ARK2C: variants seen among roughly 807,000 people sequenced by gnomAD.
ARK2C encodes the protein E3 ubiquitin-protein ligase ARK2C.
At chr18:46,396,864 G>A in the ARK2C span, among the ~76,000 whole-genome samples, 4 of 152,202 alleles carry the variant, frequency 2.6e-5, no homozygotes, top group South Asian at 2.1e-4. Flanking sequence ...TTGGCATGAC[G>A]TGGGTTGGGT....
the ARK2C span, among the ~76,000 whole-genome samples, chr18:46,435,067 G>A: frequency 4.6e-5 from 7 of 152,180 alleles, no homozygotes; most frequent in African/African-American, 1.7e-4. Flanking sequence ...GGGCAGCCCG[G>A]AGACAGCCAG....
chr18:46,429,768 CTTTT>C, the ARK2C span, among the ~76,000 whole-genome samples: 50 of 151,526 alleles, frequency 3.3e-4, no homozygotes, highest in African/African-American at 1.1e-3. Context: ...TTAAAATACT[CTTTT>C]TTTTTCCTTT....
At chr18:46,348,894 C>T in the ARK2C span, among the ~76,000 whole-genome samples, 4 of 138,086 alleles carry the variant, frequency 2.9e-5, no homozygotes, top group Admixed American at 8.0e-5. Flanking sequence ...CTCTCTCTCT[C>T]TCTTTCTGTG....
chr18:46,365,988 G>A, the ARK2C span, among the ~76,000 whole-genome samples: 51 of 152,006 alleles, frequency 3.4e-4, no homozygotes, highest in Admixed American at 8.5e-4. Context: ...TGCAAAGTGG[G>A]GTCTAATTAA....
At chr18:46,431,345 T>C in the ARK2C span, among the ~76,000 whole-genome samples, 2 of 152,216 alleles carry the variant, frequency 1.3e-5, no homozygotes, top group Admixed American at 6.5e-5. Context: ...CTGTCTAGAA[T>C]GTCTGTGTGC....
At chr18:46,374,262 T>C in the ARK2C span, among the ~76,000 whole-genome samples, 1 of 152,198 alleles carries the variant, frequency 6.6e-6, no homozygotes, top group Non-Finnish European at 1.5e-5. Flanking sequence ...TGGGGAAATA[T>C]ACATATTGTA....
At chr18:46,437,036 T>C in the ARK2C span, among the ~76,000 whole-genome samples, 1 of 152,200 alleles carries the variant, frequency 6.6e-6, no homozygotes, top group Non-Finnish European at 1.5e-5. Flanking sequence ...GCTTTCTTTA[T>C]AGAGCCAAAC....
the ARK2C span, among the ~76,000 whole-genome samples, chr18:46,412,580 C>T: frequency 6.6e-6 from 1 of 152,176 alleles, no homozygotes; most frequent in South Asian, 2.1e-4. Context: ...GATGAGGCTG[C>T]CTGGTTGGTC....
the ARK2C span, among the ~76,000 whole-genome samples, chr18:46,392,093 A>G: frequency 6.6e-6 from 1 of 151,836 alleles, no homozygotes; most frequent in African/African-American, 2.4e-5. Context: ...ACATACACAC[A>G]CACCACGCAT....
At chr18:46,366,956 G>T in the ARK2C span, among the ~76,000 whole-genome samples, 1 of 152,144 alleles carries the variant, frequency 6.6e-6, no homozygotes, top group South Asian at 2.1e-4. Flanking sequence ...CTGGCTTAGG[G>T]CCCAGTCATC....
At chr18:46,377,974 G>A in the ARK2C span, among the ~76,000 whole-genome samples, 6 of 152,086 alleles carry the variant, frequency 3.9e-5, no homozygotes, top group East Asian at 1.9e-4. Context: ...CACAACAGAG[G>A]TGGTGCAGGA....
At chr18:46,352,722 C>A in the ARK2C span, among the ~76,000 whole-genome samples, 1 of 152,182 alleles carries the variant, frequency 6.6e-6, no homozygotes, top group Non-Finnish European at 1.5e-5. Context: ...CCCACTCACA[C>A]CCCATTGGCT....
chr18:46,417,319 A>G, the ARK2C span, among the ~76,000 whole-genome samples: 708 of 152,254 alleles, frequency 4.7e-3, 5 homozygotes, highest in Non-Finnish European at 6.4e-3. Context: ...CCTCAGAGTC[A>G]AAGGCAACAT....
the ARK2C span, chr18:46,435,219 C>A: frequency 7.0e-7 from 1 of 1,424,486 alleles, no homozygotes; most frequent in Non-Finnish European, 9.9e-7. Context: ...GCCCCGGTTT[C>A]TCAGAGCTCT....
chr18:46,334,502 G>A, the ARK2C span: 5 of 543,718 alleles, frequency 9.2e-6, no homozygotes, highest in South Asian at 1.2e-4. The surrounding 1 kb of genome is among the most constrained non-coding windows in gnomAD (Gnocchi z 4.4). Flanking sequence ...GAGGGTGGGG[G>A]CGGCCGCCCT....
At chr18:46,447,763 G>A in the ARK2C span, 1 of 1,586,362 alleles carries the variant, frequency 6.3e-7, no homozygotes, top group Non-Finnish European at 8.7e-7. Flanking sequence ...GCGGTCCCCT[G>A]TGCCCTGGCT....
chr18:46,365,337 C>T, the ARK2C span, among the ~76,000 whole-genome samples: 17 of 152,228 alleles, frequency 1.1e-4, no homozygotes, highest in African/African-American at 4.1e-4. Context: ...TCCAGGAGGT[C>T]TTTTTTGGGA....
the ARK2C span, among the ~76,000 whole-genome samples, chr18:46,444,356 C>A: frequency 3.9e-5 from 6 of 152,216 alleles, no homozygotes; most frequent in Admixed American, 1.3e-4. Context: ...CTGTCATCTA[C>A]CTTCCATCCC....
chr18:46,360,833 G>C, the ARK2C span, among the ~76,000 whole-genome samples: 3 of 152,212 alleles, frequency 2.0e-5, no homozygotes, highest in Non-Finnish European at 4.4e-5. Context: ...CCTAAACACT[G>C]TTCAGCCTTG....
Sources: allele counts gnomAD v4.1 joint callset (sites outside exome capture counted in the v4.1 genomes callset), GRCh38; gene constraint gnomAD v4.1.1; non-coding constraint Gnocchi (gnomAD v3.1); transcripts MANE v1.5; gene names NCBI Gene and HGNC (gene_info 2026-07-23, HGNC 2026-07-21).